The following ZEB2 variants were observed in gnomAD, a reference collection of about 807,000 sequenced individuals.
The protein encoded by ZEB2 is zinc finger E-box-binding homeobox 2.
Under a neutral mutation model 99.9 loss-of-function variants are expected in ZEB2, and 6 were observed. That is an observed-to-expected ratio of 0.06 (90% confidence interval 0.03 to 0.12). ZEB2 has a LOEUF of 0.12. Ranked by LOEUF, ZEB2 falls within the 10% of genes least tolerant of loss-of-function variation. The pLI, the probability that ZEB2 is intolerant of heterozygous loss-of-function variation, is 1.00. For missense variants in ZEB2, 969 were observed against 1,502.8 expected (o/e 0.64, Z 5.87); for synonymous variants, 517 against 542.5 (o/e 0.95, Z 0.65).
chr2:144,419,353 G>C (rs764012266), intron 4 of ZEB2, among the ~76,000 whole-genome samples: 24 of 152,186 alleles, frequency 1.6e-4, no homozygotes, highest in Non-Finnish European at 2.9e-4. Context: ...GCCTTGCCCA[G>C]TTTCTGGATG....
chr2:144,437,543 C>T (rs1703854540), intron 2 of ZEB2, among the ~76,000 whole-genome samples: 1 of 152,152 alleles, frequency 6.6e-6, no homozygotes. Flanking sequence ...AATATGCTCA[C>T]TATCATGCCT....
intron 2 of ZEB2, among the ~76,000 whole-genome samples, chr2:144,460,681 T>C (rs894481458): frequency 2.6e-5 from 4 of 152,212 alleles, no homozygotes; most frequent in African/African-American, 4.8e-5. Flanking sequence ...TTCTTAACTG[T>C]ATTATTTTAA....
Position 144,399,153 on chromosome 2 carries a change from G to A in ZEB2, c.2034C>T (p.Ser678=), listed in dbSNP as rs773611915. 2 of 1,614,122 alleles carry A rather than the reference G, an allele frequency of 1.2e-6. No individual in the cohort carries two copies. Among genetic ancestry groups the A allele is most frequent in the East Asian group, 2.2e-5 (1 of 44,878 alleles). The change falls in exon 8 of 10, where the codon TCC becomes TCT. Residue 678 remains serine, a synonymous_variant. Transcript: ENST00000627532. This position sits in a 1 kb window ranked among gnomAD's most constrained non-coding sequence, Gnocchi z 5.6. ...ATTCCTGAGGAAGGCCCACAGCAAT[G>A]GAAATTTTCAGCAGTTCATCGGAGT... is the stretch of plus-strand genomic sequence containing the variant. The part of the protein sequence containing the change: ...EPNSDELLKI[S]IAVGLPQEFV...
chr2:144,436,327 C>A (rs1407630420), intron 2 of ZEB2, among the ~76,000 whole-genome samples: 2 of 152,072 alleles, frequency 1.3e-5, no homozygotes, highest in Admixed American at 6.6e-5. Context: ...AATTTTTTAT[C>A]CCAGGAACAT....
chr2:144,393,020 T>C (rs1301060070), intron 9 of ZEB2, among the ~76,000 whole-genome samples: 1 of 152,192 alleles, frequency 6.6e-6, no homozygotes, highest in Non-Finnish European at 1.5e-5. Flanking sequence ...CTTTTCTAAA[T>C]AAGGTGGGTT....
intron 2 of ZEB2, among the ~76,000 whole-genome samples, chr2:144,472,333 G>A (rs1471690371): frequency 6.6e-6 from 1 of 151,976 alleles, no homozygotes; most frequent in Non-Finnish European, 1.5e-5. Flanking sequence ...ACTTTGCCCT[G>A]ATTTCTAAGA....
At chr2:144,393,300 A>G (rs1703175869) in intron 9 of ZEB2, among the ~76,000 whole-genome samples, 1 of 152,222 alleles carries the variant, frequency 6.6e-6, no homozygotes. Context: ...GTATCTGCCT[A>G]GGAAATAAAT....
chr2:144,488,122 T>G (rs1221842944), intron 2 of ZEB2, among the ~76,000 whole-genome samples: 2 of 152,210 alleles, frequency 1.3e-5, no homozygotes, highest in Non-Finnish European at 2.9e-5. Flanking sequence ...CAGCTTCATA[T>G]ATCTGTGTCC....
At position 144,404,831 on chromosome 2, in the gene ZEB2, C is replaced by G; in HGVS notation, c.592+5G>C. The G allele has an allele frequency of 6.2e-7, 1 of 1,613,622 alleles. No homozygotes were observed. Among genetic ancestry groups the G allele is most frequent in the Non-Finnish European group, 8.5e-7 (1 of 1,179,810 alleles). ...GCAGTGGCTAAAAATGATTTACAGC[C>G]TCACCATTTTCTTCTTGCCCATTGG... On this transcript the variant is annotated splice_donor_5th_base_variant and intron_variant, in intron 5 of 9. Coordinates refer to ENST00000627532, the MANE Select transcript of ZEB2 (RefSeq NM_014795.4).
chr2:144,511,469 C>T (rs1705037460), intron 2 of ZEB2: 3 of 1,270,096 alleles, frequency 2.4e-6, no homozygotes, highest in Non-Finnish European at 3.1e-6. Flanking sequence ...GACTGTCACA[C>T]AAGATAAAAG....
intron 2 of ZEB2, among the ~76,000 whole-genome samples, chr2:144,491,052 A>G (rs531999070): frequency 6.6e-6 from 1 of 152,370 alleles, no homozygotes. Context: ...CATTGACACG[A>G]TAGACCGGAA....
In ZEB2 at chr2:144,400,153, C is replaced by T. The variant is rs138012464; in HGVS notation, c.1034G>A (p.Arg345Lys). The change falls in exon 8 of 10, where the codon AGA becomes AAA. Residue 345 changes from arginine to lysine, a missense_variant. Physicochemically the swap from Arg to Lys is conservative, Grantham distance 26. Around this residue, in one of 8 missense-constraint regions of ZEB2, gnomAD observed 227 missense variants for 278.2 expected, o/e 0.82. Transcript: ENST00000627532. ...IGLISVNGRM[R>K]NNIKTGSSPN... ...GGAAGAACCCGTCTTGATATTGTTT[C>T]TCATTCGGCCATTTACAGAGATTAA... The T allele has an allele frequency of 3.1e-6, 5 of 1,613,820 alleles. No individual in the cohort carries two copies. Among genetic ancestry groups the T allele is most frequent in the Non-Finnish European group, 4.2e-6 (5 of 1,179,828 alleles).
intron 2 of ZEB2, among the ~76,000 whole-genome samples, chr2:144,471,707 G>A (rs555573279): frequency 6.6e-6 from 1 of 151,848 alleles, no homozygotes; most frequent in Non-Finnish European, 1.5e-5. Context: ...TCATTTACAC[G>A]AATATTTCAA....
intron 1 of ZEB2, chr2:144,518,585 A>T (rs1705208763): frequency 6.6e-6 from 1 of 152,250 alleles, no homozygotes. Context: ...AGTGAGTATC[A>T]GTTTCCACAC....
chr2:144,511,986 CCTTT>C, intron 2 of ZEB2: 2 of 1,287,152 alleles, frequency 1.6e-6, no homozygotes, highest in African/African-American at 3.0e-5. Flanking sequence ...AGATTTTCCT[CCTTT>C]ATCTCTTTGC....
chr2:144,435,907 G>A (rs562473507), intron 2 of ZEB2, among the ~76,000 whole-genome samples: 28 of 151,708 alleles, frequency 1.8e-4, no homozygotes, highest in African/African-American at 4.8e-4. Flanking sequence ...TTGCCCATCC[G>A]GGGGGATTTA....
intron 2 of ZEB2, among the ~76,000 whole-genome samples, chr2:144,431,577 A>G (rs1703770058): frequency 6.6e-6 from 1 of 151,944 alleles, no homozygotes; most frequent in Admixed American, 6.6e-5. Context: ...ACCTGGTTTG[A>G]ATACCAATTG....
intron 4 of ZEB2, among the ~76,000 whole-genome samples, chr2:144,409,182 G>T (rs916352154): frequency 8.6e-5 from 13 of 151,984 alleles, no homozygotes; most frequent in African/African-American, 2.9e-4. Flanking sequence ...TTCCTTTTCT[G>T]CTTGAAGGTA....
In ZEB2 at chr2:144,464,452, T is replaced by G. The variant is rs547096730; in HGVS notation, c.74-34426A>C. On this transcript the variant is annotated intron_variant, in intron 2 of 9. Coordinates refer to ENST00000627532, the MANE Select transcript of ZEB2 (RefSeq NM_014795.4). ...ATAATTACAGCCACTTAAATCAAAG[T>G]CTACTAATTAGATAACATAGCTGGG... 3 of 152,324 alleles carry G rather than the reference T, an allele frequency of 2.0e-5. No individual in the cohort carries two copies. In the South Asian group the frequency reaches 6.2e-4, roughly 32 times the overall value. 9.4% of individuals were successfully genotyped at this position (152,324 alleles called of 1,614,324 possible).
Sources: allele counts gnomAD v4.1 joint callset (sites outside exome capture counted in the v4.1 genomes callset), GRCh38; gene constraint gnomAD v4.1.1; regional missense constraint gnomAD v4.1.1; non-coding constraint Gnocchi (gnomAD v3.1); transcripts MANE v1.5; gene names NCBI Gene and HGNC (gene_info 2026-07-23, HGNC 2026-07-21).